The following SNTG1 variants were observed in gnomAD, a reference collection of about 807,000 sequenced individuals.
SNTG1 encodes syntrophin gamma 1.
A neutral mutation model predicts 74.7 loss-of-function variants in SNTG1; 39 were observed. The observed-to-expected ratio is 0.52, with a 90% confidence interval of 0.40 to 0.68. The LOEUF is 0.68. Among genes scored for constraint, SNTG1 ranks in the 30% least tolerant of loss-of-function variants. The pLI is 0.00. For missense variants in SNTG1, 685 were observed against 609.5 expected (o/e 1.12, Z -1.30); for synonymous variants, 254 against 217.1 (o/e 1.17, Z -1.49).
intron 4 of SNTG1, among the ~76,000 whole-genome samples, chr8:50,424,263 A>G (rs1303577874): frequency 6.6e-6 from 1 of 152,164 alleles, no homozygotes; most frequent in African/African-American, 2.4e-5. Context: ...TAGGTCTGTA[A>G]GTCCTTGGCA....
At chr8:50,479,259 G>GC (rs1451683923) in intron 8 of SNTG1, among the ~76,000 whole-genome samples, 1 of 151,800 alleles carries the variant, frequency 6.6e-6, no homozygotes, top group Admixed American at 6.6e-5. Context: ...AAAACACTTG[G>GC]CTTTTTTTTT....
chr8:50,219,123 T>A (rs2084934471), intron 2 of SNTG1, among the ~76,000 whole-genome samples: 2 of 152,286 alleles, frequency 1.3e-5, no homozygotes, highest in South Asian at 4.1e-4. Flanking sequence ...ATGTTTTGGC[T>A]TATATGGAAG....
At chr8:50,705,001 A>G (rs1257388569) in intron 16 of SNTG1, among the ~76,000 whole-genome samples, 1 of 152,194 alleles carries the variant, frequency 6.6e-6, no homozygotes, top group Non-Finnish European at 1.5e-5. Flanking sequence ...TCTAATTTTA[A>G]TTAGACATTA....
chr8:50,680,147 A>G (rs73569458), intron 15 of SNTG1, among the ~76,000 whole-genome samples: 3,923 of 152,256 alleles, frequency 0.026, 171 homozygotes, highest in African/African-American at 0.09. Context: ...TTGCTGAATC[A>G]TCTGCTTATG....
intron 17 of SNTG1, among the ~76,000 whole-genome samples, chr8:50,725,286 A>T (rs1416319000): frequency 1.3e-5 from 2 of 152,166 alleles, no homozygotes; most frequent in Non-Finnish European, 2.9e-5. Flanking sequence ...GAATGGGTGA[A>T]CATTAAACAA....
intron 1 of SNTG1, among the ~76,000 whole-genome samples, chr8:50,039,483 A>C (rs34129001): frequency 5.3e-5 from 7 of 132,984 alleles, no homozygotes; most frequent in Non-Finnish European, 8.0e-5. Context: ...AAAAAAAAAA[A>C]CTCAAGTTAA....
In SNTG1 at chr8:50,515,709, C is replaced by A. The variant is rs310581; in HGVS notation, c.466+12829C>A. On this transcript the variant is annotated intron_variant, in intron 9 of 18. Coordinates refer to ENST00000642720, the MANE Select transcript of SNTG1 (RefSeq NM_018967.5). ...TGGGAACTTCTAACAGGGTAGAGTG[C>A]ACCACAACTCTGCAAAGCCACTGTA... 2.0e-5 allele frequency among the ~76,000 whole-genome samples: 3 copies of A among 151,994 alleles called. No homozygotes were observed. The South Asian group carries it at 6.2e-4, about 31-fold the overall frequency.
At chr8:50,101,213 G>T (rs1001140656) in intron 1 of SNTG1, among the ~76,000 whole-genome samples, 1 of 152,010 alleles carries the variant, frequency 6.6e-6, no homozygotes, top group Non-Finnish European at 1.5e-5. Flanking sequence ...CTATGTCTTT[G>T]CTAATGATAA....
At chr8:50,282,418 A>T (rs552660414) in intron 2 of SNTG1, among the ~76,000 whole-genome samples, 2 of 152,048 alleles carry the variant, frequency 1.3e-5, no homozygotes, top group East Asian at 3.9e-4. Flanking sequence ...TTCTTTCTTT[A>T]ACTCTTACAC....
chr8:50,590,941 A>G (rs1381184968), intron 13 of SNTG1, 24 bp downstream of exon 13: 1 of 1,514,378 alleles, frequency 6.6e-7, no homozygotes, highest in African/African-American at 1.4e-5. Context: ...ATACTTGGAA[A>G]GCTAAATAAT....
chr8:50,266,784 A>T (rs190602763), intron 2 of SNTG1, among the ~76,000 whole-genome samples: 33 of 151,468 alleles, frequency 2.2e-4, no homozygotes, highest in African/African-American at 7.5e-4. Context: ...GAGAAGTAGA[A>T]ATCATTGTGT....
chr8:50,635,236 G>A (rs1366000908), intron 13 of SNTG1, among the ~76,000 whole-genome samples: 1 of 152,076 alleles, frequency 6.6e-6, no homozygotes, highest in African/African-American at 2.4e-5. Flanking sequence ...GTCCCTCTAT[G>A]GATCTGTAAA....
chr8:50,375,628 T>C (rs2092363010), intron 2 of SNTG1, among the ~76,000 whole-genome samples: 1 of 152,186 alleles, frequency 6.6e-6, no homozygotes, highest in Admixed American at 6.5e-5. Flanking sequence ...ATTATTCCCA[T>C]GTAAAAGGAG....
At position 50,415,117 on chromosome 8, in the gene SNTG1, A is replaced by G. The variant is rs564088665; in HGVS notation, c.162+12773A>G. ...TTTCTGTGTAAAATTAGAAAACAAA[A>G]CTTCTCACCTTAAAAGAAATTTTTC... is the stretch of plus-strand genomic sequence containing the variant. On this transcript the variant is annotated intron_variant, in intron 4 of 18. Transcript: ENST00000642720. Among the ~76,000 whole-genome samples, 212 of 152,306 alleles carry G rather than the reference A, an allele frequency of 1.4e-3. 1 individual carries two copies. The highest frequency in any genetic ancestry group is 4.8e-3 in the African/African-American group (199 of 41,574).
chr8:50,737,402 T>C (rs182396507), intron 17 of SNTG1, among the ~76,000 whole-genome samples: 28 of 152,170 alleles, frequency 1.8e-4, no homozygotes, highest in African/African-American at 5.8e-4. Flanking sequence ...AGTTCTGAAA[T>C]TGAGGTAGTA....
chr8:50,013,857 A>C (rs1816059217), intron 1 of SNTG1, among the ~76,000 whole-genome samples: 1 of 152,138 alleles, frequency 6.6e-6, no homozygotes. Context: ...GAGGACTTGG[A>C]ACCTGAAAAG....
At chr8:50,488,954 T>C (rs1318628874) in intron 8 of SNTG1, among the ~76,000 whole-genome samples, 2 of 151,638 alleles carry the variant, frequency 1.3e-5, no homozygotes, top group Non-Finnish European at 2.9e-5. Flanking sequence ...CAGGCCCCAA[T>C]GTGTGATATT....
intron 15 of SNTG1, among the ~76,000 whole-genome samples, chr8:50,697,327 G>A (rs997832111): frequency 2.0e-5 from 3 of 152,072 alleles, no homozygotes; most frequent in African/African-American, 7.2e-5. Context: ...AAGTTTTTTG[G>A]TGTAGTCTTC....
At chr8:50,512,234 A>T (rs1342182497) in intron 9 of SNTG1, among the ~76,000 whole-genome samples, 1 of 151,968 alleles carries the variant, frequency 6.6e-6, no homozygotes, top group African/African-American at 2.4e-5. Flanking sequence ...AAGAATGTTT[A>T]ATATTGGCCC....
Sources: gnomAD v4.1 joint callset for allele counts (sites outside exome capture counted in the v4.1 genomes callset) on GRCh38, gnomAD v4.1.1 for gene constraint, MANE v1.5 for transcripts, NCBI Gene and HGNC (gene_info 2026-07-23, HGNC 2026-07-21) for gene names.